The following CPLX2 variants were observed in gnomAD, a reference collection of about 807,000 sequenced individuals.
CPLX2 encodes complexin 2, also known as complexin-2.
A neutral mutation model predicts 16.3 loss-of-function variants in CPLX2; 5 were observed. That is an observed-to-expected ratio of 0.31 (90% CI 0.16 to 0.64). The LOEUF (loss-of-function observed/expected upper bound fraction) is 0.64. Among genes scored for constraint, CPLX2 ranks in the 30% least tolerant of loss-of-function variants. The probability of loss-of-function intolerance (pLI) is 0.79; values close to 1 mark genes in which losing one functional copy is unlikely to be tolerated. For synonymous variants in CPLX2, 89 were observed against 73.2 expected, an observed-to-expected ratio of 1.22 and a Z score of -1.10; for missense variants, 144 against 181.4, an observed-to-expected ratio of 0.79 and a Z score of 1.18.
chr5:175,861,900 A>C (rs1268237067), intron 2 of CPLX2: 4 of 152,252 alleles, frequency 2.6e-5, no homozygotes, highest in Non-Finnish European at 5.9e-5. Context: ...CATAAAGGAA[A>C]GCAGAGGGCC....
Position 175,849,597 on chromosome 5 carries a change from G to A in CPLX2, c.-88-29055G>A, listed in dbSNP as rs962537983. On this transcript the variant is annotated intron_variant, in intron 2 of 4. Transcript: ENST00000359546. This position sits in a 1 kb window ranked among gnomAD's most constrained non-coding sequence, Gnocchi z 4.4. ...CGCTGGACAGGGGACCACACTGGCTGGGGGAGCCTTCTCAGGGAGAGAAGA... is the reference window on the plus strand; with the variant it reads ...CGCTGGACAGGGGACCACACTGGCTAGGGGAGCCTTCTCAGGGAGAGAAGA... Among the ~76,000 whole-genome samples, 2 of 152,184 alleles carry A rather than the reference G, an allele frequency of 1.3e-5. No individual in the cohort carries two copies. The highest frequency in any genetic ancestry group is 3.9e-4 in the East Asian group (2 of 5,182).
chr5:175,834,614 T>C (rs1274488464), intron 2 of CPLX2, among the ~76,000 whole-genome samples: 1 of 152,180 alleles, frequency 6.6e-6, no homozygotes, highest in Non-Finnish European at 1.5e-5. Context: ...GGCTCAAGCC[T>C]GTAATCCCAG....
At chr5:175,843,423 C>T (rs994189297) in intron 2 of CPLX2, among the ~76,000 whole-genome samples, 6 of 152,082 alleles carry the variant, frequency 3.9e-5, no homozygotes, top group African/African-American at 7.3e-5. Flanking sequence ...TGCCTAGGCA[C>T]GCATACACCA....
At chr5:175,879,123 A>G (rs934716553) in intron 3 of CPLX2, 40 bp downstream of exon 3, 3 of 1,537,136 alleles carry the variant, frequency 2.0e-6, no homozygotes, top group South Asian at 1.2e-5. Context: ...GAGGGCCACA[A>G]GCGGGTAAAA....
chr5:175,838,899 T>G (rs185901608), intron 2 of CPLX2, among the ~76,000 whole-genome samples: 2 of 152,218 alleles, frequency 1.3e-5, no homozygotes, highest in African/African-American at 4.8e-5. Flanking sequence ...GGGAGATGAC[T>G]TGGAGTTGGG....
At chr5:175,823,278 GGGAT>G (rs367673128) in intron 2 of CPLX2, among the ~76,000 whole-genome samples, 3 of 152,116 alleles carry the variant, frequency 2.0e-5, no homozygotes, top group Non-Finnish European at 2.9e-5. Flanking sequence ...GATGGATGGA[GGGAT>G]GGATGGATGG....
At chr5:175,811,974 A>C (rs1415281520) in intron 2 of CPLX2, among the ~76,000 whole-genome samples, 2 of 152,248 alleles carry the variant, frequency 1.3e-5, no homozygotes, top group African/African-American at 2.4e-5. Context: ...CCAGGTTGGA[A>C]GGTCAACTAG....
At chr5:175,855,853 G>A (rs147045799) in intron 2 of CPLX2, among the ~76,000 whole-genome samples, 8 of 152,266 alleles carry the variant, frequency 5.3e-5, no homozygotes, top group Admixed American at 6.5e-5. Flanking sequence ...GCCAGAGAAC[G>A]GGAAAGAGTG....
intron 2 of CPLX2, among the ~76,000 whole-genome samples, chr5:175,831,695 A>G (rs749697244): frequency 6.6e-6 from 1 of 152,220 alleles, no homozygotes; most frequent in Non-Finnish European, 1.5e-5. Flanking sequence ...CCTGCCCTCA[A>G]GATACCCACA....
intron 1 of CPLX2, among the ~76,000 whole-genome samples, chr5:175,875,653 C>T (rs541128312): frequency 2.6e-5 from 4 of 152,088 alleles, no homozygotes; most frequent in Non-Finnish European, 4.4e-5. Flanking sequence ...CTTATACTTT[C>T]GCCCGTGAAG....
At position 175,882,175 on chromosome 5, in the gene CPLX2, TCTGTGC is replaced by T. The variant is rs912641010; in HGVS notation, c.*2136_*2141del. ...GCCCCCCAGGGGGCCTGTGTCTGTG[TCTGTGC>T]CTGTGTCTGTGATGGGGAGCCGCCT... On this transcript the variant is annotated 3_prime_UTR_variant, in exon 4 of 4. Coordinates refer to ENST00000393745, the MANE Select transcript of CPLX2 (RefSeq NM_001008220.2). The T allele has an allele frequency of 9.9e-5, 15 of 152,150 alleles. No individual in the cohort carries two copies. Among genetic ancestry groups the T allele is most frequent in the Non-Finnish European group, 1.3e-4 (9 of 68,096 alleles). The allele number at this position is 152,150 out of a possible 1,614,324, so 9.4% of individuals were successfully genotyped here.
intron 2 of CPLX2, among the ~76,000 whole-genome samples, chr5:175,843,441 A>G (rs377282691): frequency 1.7e-3 from 244 of 146,394 alleles, no homozygotes; most frequent in African/African-American, 6.4e-3. Flanking sequence ...CCAGGCACAC[A>G]TGTGTGCATG....
At chr5:175,800,094 A>C (rs1758066472) in intron 1 of CPLX2, among the ~76,000 whole-genome samples, 1 of 152,052 alleles carries the variant, frequency 6.6e-6, no homozygotes, top group South Asian at 2.1e-4. Flanking sequence ...AATGAGTAGT[A>C]TTTGGCTCAG....
At chr5:175,847,374 C>T (rs970214509) in intron 2 of CPLX2, among the ~76,000 whole-genome samples, 5 of 152,156 alleles carry the variant, frequency 3.3e-5, no homozygotes, top group Non-Finnish European at 5.9e-5. Context: ...GTCTCACCCC[C>T]GACACAGGTT....
At chr5:175,807,138 A>G (rs1758221751) in intron 1 of CPLX2, among the ~76,000 whole-genome samples, 2 of 152,204 alleles carry the variant, frequency 1.3e-5, no homozygotes. Context: ...CAGGAGAATG[A>G]CTAGTGTGTG....
chr5:175,854,943 T>C (rs958434548), intron 2 of CPLX2, among the ~76,000 whole-genome samples: 1 of 152,244 alleles, frequency 6.6e-6, no homozygotes, highest in African/African-American at 2.4e-5. Context: ...AGACGTCATC[T>C]CTGCCTCTGG....
chr5:175,879,203 C>T (rs893509003), intron 3 of CPLX2, 120 bp downstream of exon 3: 18 of 1,055,770 alleles, frequency 1.7e-5, no homozygotes, highest in Non-Finnish European at 2.4e-5. Context: ...AGTTCTGAGC[C>T]TCACTCTTCT....
chr5:175,837,411 A>C (rs1244360866), intron 2 of CPLX2: 1 of 152,196 alleles, frequency 6.6e-6, no homozygotes, highest in African/African-American at 2.4e-5. Flanking sequence ...CTAAATTTAA[A>C]TACTAATAAT....
chr5:175,802,446 T>A (rs1248804264), intron 1 of CPLX2, among the ~76,000 whole-genome samples: 2 of 152,140 alleles, frequency 1.3e-5, no homozygotes, highest in Non-Finnish European at 2.9e-5. Context: ...GCGGAGAAAA[T>A]GTATCTCCAC....
Sources: gnomAD v4.1 joint callset for allele counts (sites outside exome capture counted in the v4.1 genomes callset) on GRCh38, gnomAD v4.1.1 for gene constraint, Gnocchi (gnomAD v3.1) non-coding constraint, MANE v1.5 for transcripts, NCBI Gene and HGNC (gene_info 2026-07-23, HGNC 2026-07-21) for gene names.